NFATC2: variants seen among roughly 807,000 people sequenced by gnomAD.
NFATC2 encodes the protein nuclear factor of activated T-cells, cytoplasmic 2.
NFATC2 carries 22 observed loss-of-function variants against 87.3 expected under a neutral mutation model. The ratio of observed to expected loss-of-function variants is 0.25; its 90% CI spans 0.18 to 0.36. NFATC2 has a LOEUF of 0.36. NFATC2 is among the 10% of genes least tolerant of loss of function. NFATC2 has a pLI of 1.00. For missense variants in NFATC2, 1,149 were observed against 1,259.1 expected (o/e 0.91, Z 1.32); for synonymous variants, 565 against 542.2 (o/e 1.04, Z -0.58).
At chr20:51,560,279 C>A (rs576192209) in intron 1 of NFATC2, among the ~76,000 whole-genome samples, 1 of 152,288 alleles carries the variant, frequency 6.6e-6, no homozygotes, top group Non-Finnish European at 1.5e-5. Context: ...AGTTAAGTCA[C>A]TTGCCCAAGA....
At chr20:51,415,395 A>AT (rs1466143211) in intron 9 of NFATC2, among the ~76,000 whole-genome samples, 1 of 152,164 alleles carries the variant, frequency 6.6e-6, no homozygotes, top group Non-Finnish European at 1.5e-5. Flanking sequence ...TGGAGTCAAC[A>AT]TCCCACACAC....
chr20:51,502,692 G>A (rs902178704), intron 3 of NFATC2, among the ~76,000 whole-genome samples: 12 of 152,172 alleles, frequency 7.9e-5, no homozygotes, highest in African/African-American at 2.9e-4. Context: ...TACATGACAA[G>A]GCAAGTGTGT....
rs118032147 is a variant in NFATC2, at chr20:51,409,212, C to T, written c.2723-10482G>A. On this transcript the variant is annotated intron_variant, in intron 9 of 10. Coordinates refer to ENST00000371564, the MANE Select transcript of NFATC2 (RefSeq NM_012340.5). ...TGGAAGTGTGTGTACACCCTGTGAC[C>T]ATGCAACTCTGCTTGTCAGTATAAC... is the stretch of plus-strand genomic sequence containing the variant. Among the ~76,000 whole-genome samples, 28 of 152,240 alleles carry T rather than the reference C, an allele frequency of 1.8e-4. No individual in the cohort carries two copies. In the East Asian group the frequency reaches 5.4e-3, roughly 29 times the overall value.
chr20:51,469,838 A>T (rs1488256759), intron 5 of NFATC2, among the ~76,000 whole-genome samples: 1 of 152,164 alleles, frequency 6.6e-6, no homozygotes, highest in Non-Finnish European at 1.5e-5. Flanking sequence ...GCAGGAACCA[A>T]CCCTGCTGAC....
chr20:51,512,806 T>C (rs1330671768), intron 3 of NFATC2, among the ~76,000 whole-genome samples: 1 of 151,972 alleles, frequency 6.6e-6, no homozygotes, highest in Admixed American at 6.5e-5. Context: ...GAGGCTGTGG[T>C]TCAGAAATAG....
chr20:51,521,570 C>T (rs1180703447), intron 2 of NFATC2, among the ~76,000 whole-genome samples: 1 of 152,232 alleles, frequency 6.6e-6, no homozygotes, highest in East Asian at 1.9e-4. Flanking sequence ...ATTCGCCCAC[C>T]TCGGCCTCCC....
chr20:51,460,957 ATCTT>A (rs1268510817), intron 5 of NFATC2, among the ~76,000 whole-genome samples: 2 of 152,170 alleles, frequency 1.3e-5, no homozygotes, highest in African/African-American at 4.8e-5. Context: ...CATTTTAACA[ATCTT>A]TCCGGGTGAC....
chr20:51,393,831 G>T (rs1210501154), intron 10 of NFATC2, among the ~76,000 whole-genome samples: 1 of 152,138 alleles, frequency 6.6e-6, no homozygotes, highest in Non-Finnish European at 1.5e-5. Context: ...AAAATTAGCT[G>T]GTAGGCAGAG....
At chr20:51,474,568 T>C (rs1394771174) in intron 4 of NFATC2, among the ~76,000 whole-genome samples, 2 of 152,180 alleles carry the variant, frequency 1.3e-5, no homozygotes, top group African/African-American at 2.4e-5. Flanking sequence ...TAAAAGGGCA[T>C]AAAGTCTGCA....
At chr20:51,502,265 T>C (rs2076100589) in intron 3 of NFATC2, among the ~76,000 whole-genome samples, 2 of 152,224 alleles carry the variant, frequency 1.3e-5, no homozygotes. Context: ...CTTTTATTGC[T>C]GCATTTTGAC....
chr20:51,477,560 T>TACAC (rs1988839586), intron 3 of NFATC2, among the ~76,000 whole-genome samples: 1 of 123,224 alleles, frequency 8.1e-6, no homozygotes, highest in African/African-American at 3.0e-5. Context: ...TATATATATA[T>TACAC]ATATATATAT....
upstream of NFATC2, among the ~76,000 whole-genome samples, chr20:51,545,357 G>C (rs1208867530): frequency 6.6e-6 from 1 of 152,144 alleles, no homozygotes; most frequent in Non-Finnish European, 1.5e-5. Context: ...ACATAATCTT[G>C]GTAGAGCTAT....
intron 9 of NFATC2, among the ~76,000 whole-genome samples, chr20:51,401,198 C>T (rs112289954): frequency 2.0e-4 from 30 of 152,100 alleles, no homozygotes; most frequent in African/African-American, 3.1e-4. Context: ...GGTGAAACCC[C>T]GTCTCTACTA....
intron 5 of NFATC2, among the ~76,000 whole-genome samples, chr20:51,455,725 T>C (rs2146433054): frequency 2.5e-4 from 3 of 12,066 alleles, no homozygotes; most frequent in Admixed American, 1.3e-3. Context: ...GGTGGGTGGG[T>C]GGATGGGTGG....
At position 51,436,411 on chromosome 20, in the gene NFATC2, A is replaced by T. The variant is rs201973180; in HGVS notation, c.1850-650T>A. ...TCTTTCTATTTTTTTTTTTTTTTTA[A>T]AAAGGCATTATTAAGGGCTGGGCAT... is the stretch of plus-strand genomic sequence containing the variant. On this transcript the variant is annotated intron_variant, in intron 6 of 10. Coordinates refer to ENST00000371564, the MANE Select transcript of NFATC2 (RefSeq NM_012340.5). Among the ~76,000 whole-genome samples the T allele has an allele frequency of 9.5e-3, 621 of 65,336 alleles. 12 individuals carry two copies. Among genetic ancestry groups the T allele is most frequent in the African/African-American group, 0.028 (585 of 20,792 alleles). 42.9% of individuals were successfully genotyped at this position (65,336 alleles called of 152,430 possible). A position where few individuals can be genotyped will look rare whatever the true frequency, so the allele number is the denominator to read the frequency against.
At chr20:51,394,959 G>A (rs1410073630) in intron 10 of NFATC2, among the ~76,000 whole-genome samples, 1 of 152,146 alleles carries the variant, frequency 6.6e-6, no homozygotes, top group African/African-American at 2.4e-5. Flanking sequence ...CTCGTGCATG[G>A]CACCATGCAC....
chr20:51,442,427 G>A (rs1196127593), intron 6 of NFATC2, among the ~76,000 whole-genome samples: 1 of 152,042 alleles, frequency 6.6e-6, no homozygotes, highest in Non-Finnish European at 1.5e-5. Flanking sequence ...GTGAGCCTCT[G>A]CCTCAAAAAA....
Position 51,433,148 on chromosome 20 carries a change from C to T in NFATC2, c.2033-392G>A, listed in dbSNP as rs1038469924. The stretch of plus-strand genomic sequence containing the variant: ...TGCTTTCCTTTCTACTGCTTATCCC[C>T]GTCAGAAATGTCATAGATGCTTTAC... On this transcript the variant is annotated intron_variant, in intron 8 of 10. Coordinates refer to ENST00000371564, the MANE Select transcript of NFATC2 (RefSeq NM_012340.5). 5.9e-5 allele frequency among the ~76,000 whole-genome samples: 9 copies of T among 152,082 alleles called. No individual in the cohort carries two copies. The South Asian group carries it at 6.2e-4, about 11-fold the overall frequency.
chr20:51,562,496 G>T lies in NFATC2; in HGVS notation c.70+64C>A. Reference sequence around the variant, plus strand: ...GAGCTGAAAGTGCTGCCCGGGACGGGAGCAGCAGGAAAGGGCCGGGAGGAG... The same window carrying T: ...GAGCTGAAAGTGCTGCCCGGGACGGTAGCAGCAGGAAAGGGCCGGGAGGAG... On this transcript the variant is annotated intron_variant, in intron 1 of 10. Transcript: ENST00000414705. This position sits in a 1 kb window ranked among gnomAD's most constrained non-coding sequence, Gnocchi z 5.8. 7.1e-7 allele frequency: 1 copy of T among 1,416,024 alleles called. No individual in the cohort carries two copies. Among genetic ancestry groups the T allele is most frequent in the Non-Finnish European group, 9.7e-7 (1 of 1,028,676 alleles). The allele number at this position is 1,416,024 out of a possible 1,614,324, so 87.7% of individuals were successfully genotyped here. A position where few individuals can be genotyped will look rare whatever the true frequency, so the allele number is the denominator to read the frequency against.
Sources: allele counts gnomAD v4.1 joint callset (sites outside exome capture counted in the v4.1 genomes callset), GRCh38; gene constraint gnomAD v4.1.1; non-coding constraint Gnocchi (gnomAD v3.1); transcripts MANE v1.5; gene names NCBI Gene and HGNC (gene_info 2026-07-23, HGNC 2026-07-21).